GRXCR1: variants seen among roughly 807,000 people sequenced by gnomAD.
The protein encoded by GRXCR1 is glutaredoxin and cysteine rich domain containing 1.
In GRXCR1, 27 loss-of-function variants were observed where a neutral mutation model predicts 27.3. The observed-to-expected ratio is 0.99, with a 90% confidence interval of 0.73 to 1.37. The LOEUF is 1.37. Ranked by LOEUF, GRXCR1 falls within the 40% of genes most tolerant of loss-of-function variation. GRXCR1 has a pLI of 0.00. For synonymous variants in GRXCR1, 122 were observed against 131.1 expected (o/e 0.93, Z 0.47); for missense variants, 379 against 354.4 (o/e 1.07, Z -0.56).
rs771844359 is a variant in GRXCR1 at position 42,962,890 on chromosome 4, A to G, written c.385-2A>G. On this transcript the variant is annotated splice_acceptor_variant, in intron 1 of 3. Coordinates refer to ENST00000399770, the MANE Select transcript of GRXCR1 (RefSeq NM_001080476.3). LOFTEE classifies it high-confidence loss of function. Reference sequence around the variant, plus strand: ...TCTTACAACTCAATGTTTTCCCTTCAGCAACCATCAACTGATCTAGAATTT... The same window carrying G: ...TCTTACAACTCAATGTTTTCCCTTCGGCAACCATCAACTGATCTAGAATTT... The G allele has an allele frequency of 6.2e-7, 1 of 1,612,474 alleles. No individual in the cohort carries two copies.
chr4:42,920,586 GAGGTTCTACTGCAGATCCC>G (rs1311238347), intron 1 of GRXCR1, among the ~76,000 whole-genome samples: 3 of 152,148 alleles, frequency 2.0e-5, no homozygotes, highest in African/African-American at 7.2e-5. Flanking sequence ...GAAAGGTGCA[GAGGTTCTACTGCAGATCCC>G]AGTGCATGTC....
chr4:42,973,953 A>G (rs1304612230), intron 2 of GRXCR1, among the ~76,000 whole-genome samples: 2 of 152,174 alleles, frequency 1.3e-5, no homozygotes, highest in Non-Finnish European at 2.9e-5. Flanking sequence ...GTGTGCATAC[A>G]ACAAAGCACA....
At chr4:42,893,765 G>T in intron 1 of GRXCR1, 115 bp downstream of exon 1, 1 of 960,268 alleles carries the variant, frequency 1.0e-6, no homozygotes, top group South Asian at 1.3e-5. Flanking sequence ...CATGCTTCAT[G>T]AGACGCTCCT....
intron 1 of GRXCR1, among the ~76,000 whole-genome samples, chr4:42,920,240 G>A (rs75758285): frequency 4.7e-4 from 71 of 152,236 alleles, no homozygotes; most frequent in Non-Finnish European, 8.7e-4. Flanking sequence ...GATGAGCAGT[G>A]AGCACAGGCA....
intron 1 of GRXCR1, among the ~76,000 whole-genome samples, chr4:42,942,348 C>T (rs1366790110): frequency 6.6e-6 from 1 of 151,870 alleles, no homozygotes; most frequent in Non-Finnish European, 1.5e-5. Flanking sequence ...TCTTCCCTCA[C>T]AAAATCAAGG....
At chr4:42,973,382 C>T (rs1748432530) in intron 2 of GRXCR1, among the ~76,000 whole-genome samples, 1 of 152,066 alleles carries the variant, frequency 6.6e-6, no homozygotes, top group Non-Finnish European at 1.5e-5. Context: ...TCTAATTTCC[C>T]CAAACAGAAG....
intron 2 of GRXCR1, among the ~76,000 whole-genome samples, chr4:42,988,419 G>A (rs1711850506): frequency 1.3e-5 from 2 of 152,098 alleles, no homozygotes; most frequent in African/African-American, 4.8e-5. Flanking sequence ...CTTTCTGTTG[G>A]GGTAGAGCAG....
At chr4:42,998,045 C>G (rs902037107) in intron 2 of GRXCR1, among the ~76,000 whole-genome samples, 4 of 152,120 alleles carry the variant, frequency 2.6e-5, no homozygotes, top group African/African-American at 7.2e-5. Flanking sequence ...TTATGTCAGG[C>G]ACAATGGTCC....
chr4:42,900,117 A>G (rs1746429195), intron 1 of GRXCR1, among the ~76,000 whole-genome samples: 1 of 152,202 alleles, frequency 6.6e-6, no homozygotes, highest in Admixed American at 6.6e-5. Context: ...TCTGAAACCC[A>G]GTATTTTAAA....
At chr4:42,937,272 G>T (rs1345974690) in intron 1 of GRXCR1, among the ~76,000 whole-genome samples, 1 of 26,874 alleles carries the variant, frequency 3.7e-5, no homozygotes, top group Non-Finnish European at 7.5e-5. Context: ...TCATATTGAG[G>T]TCTTTTTTAT....
chr4:43,008,102 CT>C (rs1240882645), intron 2 of GRXCR1, among the ~76,000 whole-genome samples: 2 of 151,914 alleles, frequency 1.3e-5, no homozygotes, highest in African/African-American at 4.8e-5. Context: ...GGAATAAAAA[CT>C]TTTTAACGTT....
At chr4:42,950,113 T>C (rs1384147132) in intron 1 of GRXCR1, among the ~76,000 whole-genome samples, 1 of 152,122 alleles carries the variant, frequency 6.6e-6, no homozygotes, top group Admixed American at 6.5e-5. Context: ...ATTGTAGATA[T>C]AATATATAAA....
intron 3 of GRXCR1, among the ~76,000 whole-genome samples, chr4:43,026,391 A>C (rs1479414441): frequency 1.3e-5 from 2 of 152,128 alleles, no homozygotes; most frequent in Non-Finnish European, 2.9e-5. Flanking sequence ...AAATAGCATA[A>C]ATTGTGCTGG....
chr4:42,916,431 A>G lies in GRXCR1; in HGVS notation c.384+22781A>G, dbSNP rs115910879. Reference sequence around the variant, plus strand: ...AATGTTAAGCAAATGAATATCTGTCATTTTTTGAGATAATATCGCCTTAAC... The same window carrying G: ...AATGTTAAGCAAATGAATATCTGTCGTTTTTTGAGATAATATCGCCTTAAC... On this transcript the variant is annotated intron_variant, in intron 1 of 3. Transcript: ENST00000399770. 4.5e-3 allele frequency among the ~76,000 whole-genome samples: 685 copies of G among 152,286 alleles called. 7 individuals are homozygous for G. The highest frequency in any genetic ancestry group is 0.015 in the African/African-American group (638 of 41,572).
intron 1 of GRXCR1, among the ~76,000 whole-genome samples, chr4:42,914,209 T>G (rs972544768): frequency 5.3e-5 from 8 of 152,112 alleles, no homozygotes; most frequent in Admixed American, 2.6e-4. Flanking sequence ...TCCACTGACA[T>G]CTTACACCCT....
intron 1 of GRXCR1, among the ~76,000 whole-genome samples, chr4:42,941,433 T>G (rs1337598417): frequency 6.6e-6 from 1 of 152,040 alleles, no homozygotes; most frequent in Non-Finnish European, 1.5e-5. Flanking sequence ...GAATGCCTAT[T>G]GAGGAGGAAT....
chr4:42,963,488 A>C (rs1302150109), intron 2 of GRXCR1, among the ~76,000 whole-genome samples: 1 of 152,012 alleles, frequency 6.6e-6, no homozygotes, highest in Non-Finnish European at 1.5e-5. Context: ...ATATATATTT[A>C]TAAATTCTCA....
intron 1 of GRXCR1, among the ~76,000 whole-genome samples, chr4:42,916,889 T>A (rs987074600): frequency 6.6e-6 from 1 of 152,150 alleles, no homozygotes; most frequent in Non-Finnish European, 1.5e-5. Flanking sequence ...TTCTTCCCTA[T>A]GGTTATTAGT....
At chr4:43,010,718 C>T (rs1348445823) in intron 2 of GRXCR1, among the ~76,000 whole-genome samples, 3 of 151,806 alleles carry the variant, frequency 2.0e-5, no homozygotes, top group East Asian at 1.9e-4. Flanking sequence ...AAAAAGTGAT[C>T]GCTTATTTAA....
Sources: gnomAD v4.1 joint callset for allele counts (sites outside exome capture counted in the v4.1 genomes callset) on GRCh38, gnomAD v4.1.1 for gene constraint, MANE v1.5 for transcripts, NCBI Gene and HGNC (gene_info 2026-07-23, HGNC 2026-07-21) for gene names.